NIPSNAP2: variants seen among roughly 807,000 people sequenced by gnomAD.
NIPSNAP2 encodes nipsnap homolog 2.
A neutral mutation model predicts 48.4 loss-of-function variants in NIPSNAP2; 42 were observed. The observed-to-expected ratio is 0.87, with a 90% confidence interval of 0.68 to 1.12. NIPSNAP2 has a LOEUF of 1.12. Among genes scored for constraint, NIPSNAP2 ranks in the 50% most tolerant of loss-of-function variants. The pLI, the probability that NIPSNAP2 is intolerant of heterozygous loss-of-function variation, is 0.00. For missense variants in NIPSNAP2, 314 were observed against 347.3 expected (o/e 0.90, Z 0.76); for synonymous variants, 158 against 126.6 (o/e 1.25, Z -1.67).
intron 1 of NIPSNAP2, among the ~76,000 whole-genome samples, chr7:55,968,747 C>T (rs951964680): frequency 2.6e-5 from 4 of 152,086 alleles, no homozygotes; most frequent in Non-Finnish European, 4.4e-5. Flanking sequence ...AATATAGGGC[C>T]GGGTGTGGTG....
At chr7:55,993,670 A>T (rs1165659266) in intron 7 of NIPSNAP2, among the ~76,000 whole-genome samples, 1 of 151,524 alleles carries the variant, frequency 6.6e-6, no homozygotes, top group Non-Finnish European at 1.5e-5. Flanking sequence ...AACCCAGGAG[A>T]TGGAGATTGC....
chr7:55,992,064 A>G (rs1787467543), intron 7 of NIPSNAP2, among the ~76,000 whole-genome samples: 1 of 152,126 alleles, frequency 6.6e-6, no homozygotes, highest in South Asian at 2.1e-4. Context: ...CTGTGAAGAT[A>G]TTGATCACTT....
intron 7 of NIPSNAP2, among the ~76,000 whole-genome samples, chr7:55,994,053 A>AG (rs1185833147): frequency 6.6e-6 from 1 of 152,120 alleles, no homozygotes; most frequent in Non-Finnish European, 1.5e-5. Context: ...TAGTTCAGAG[A>AG]GCAGGGGTGT....
At chr7:55,983,342 G>A (rs1313561582) in intron 5 of NIPSNAP2, among the ~76,000 whole-genome samples, 2 of 152,124 alleles carry the variant, frequency 1.3e-5, no homozygotes, top group Non-Finnish European at 2.9e-5. Context: ...CATTAAGAAA[G>A]AAATTCTTTT....
At chr7:55,993,184 A>G (rs1787485322) in intron 7 of NIPSNAP2, among the ~76,000 whole-genome samples, 1 of 151,958 alleles carries the variant, frequency 6.6e-6, no homozygotes, top group South Asian at 2.1e-4. Context: ...CTGTAATCCC[A>G]GCTACACAGG....
At chr7:55,983,519 T>A (rs945262587) in intron 5 of NIPSNAP2, among the ~76,000 whole-genome samples, 1 of 152,204 alleles carries the variant, frequency 6.6e-6, no homozygotes, top group South Asian at 2.1e-4. Flanking sequence ...ACCAAGTAAT[T>A]TGTCATCTAA....
chr7:55,969,193 A>C (rs1786962074), intron 1 of NIPSNAP2, among the ~76,000 whole-genome samples: 1 of 152,150 alleles, frequency 6.6e-6, no homozygotes, highest in Non-Finnish European at 1.5e-5. Context: ...TCTGGAAATG[A>C]AAGGTGTGGG....
intron 7 of NIPSNAP2, among the ~76,000 whole-genome samples, chr7:55,992,492 A>G (rs1787474147): frequency 6.6e-6 from 1 of 152,122 alleles, no homozygotes; most frequent in Admixed American, 6.6e-5. Context: ...TCTGTCTTAA[A>G]AAAGGAGATT....
In NIPSNAP2 at chr7:55,985,686, C is replaced by T. The variant is rs141944350; in HGVS notation, c.617+808C>T. ...GCTTAAGCCCAGAAGATGGAGTTTGCAGTGAGCCAAGATTGCACCACTGCA... is the reference window on the plus strand; with the variant it reads ...GCTTAAGCCCAGAAGATGGAGTTTGTAGTGAGCCAAGATTGCACCACTGCA... On this transcript the variant is annotated intron_variant, in intron 7 of 9. Coordinates refer to ENST00000322090, the MANE Select transcript of NIPSNAP2 (RefSeq NM_001483.3). Among the ~76,000 whole-genome samples, 26 of 149,128 alleles carry T rather than the reference C, an allele frequency of 1.7e-4. No homozygotes were observed. The East Asian group carries it at 5.1e-3, about 29-fold the overall frequency.
chr7:55,983,576 C>T (rs1787264638), intron 5 of NIPSNAP2, 152 bp from the exon 6 acceptor site: 4 of 601,442 alleles, frequency 6.7e-6, no homozygotes, highest in Non-Finnish European at 8.4e-6. Context: ...AATGATTATG[C>T]AAGCTCAACA....
Position 55,978,252 on chromosome 7 carries a change from A to C in NIPSNAP2, c.219A>C (p.Leu73=), listed in dbSNP as rs541204590. 2.5e-6 allele frequency: 4 copies of C among 1,614,188 alleles called. No individual in the cohort carries two copies. The highest frequency in any genetic ancestry group is 3.4e-6 in the Non-Finnish European group (4 of 1,180,030). The change falls in exon 2 of 10, where the codon CTA becomes CTC. Residue 73 remains leucine (L), a synonymous_variant. Transcript: ENST00000322090. ...TAGCCAAAAAGGAAACAAGCAATCT[A>C]TACAAATTACAGTGTGAGTGACAGG... ...NLLAKKETSN[L]YKLQFHNVKP...
At chr7:55,972,722 C>G (rs1472845095) in intron 1 of NIPSNAP2, among the ~76,000 whole-genome samples, 1 of 152,142 alleles carries the variant, frequency 6.6e-6, no homozygotes, top group East Asian at 1.9e-4. Context: ...AGCCACTGTG[C>G]CCAGCCCATG....
chr7:55,986,126 AAGG>A (rs1262342538), intron 7 of NIPSNAP2, among the ~76,000 whole-genome samples: 6 of 151,972 alleles, frequency 3.9e-5, no homozygotes, highest in Non-Finnish European at 1.5e-5. Flanking sequence ...GGGGAGGCTG[AAGG>A]AGGAGAATTG....
chr7:55,973,831 C>T (rs1024238812), intron 1 of NIPSNAP2, among the ~76,000 whole-genome samples: 1 of 152,100 alleles, frequency 6.6e-6, no homozygotes, highest in Non-Finnish European at 1.5e-5. Context: ...ATCTTTATAT[C>T]TGGTTTCTAC....
chr7:55,983,681 T>C lies in NIPSNAP2; in HGVS notation c.445-47T>C, dbSNP rs1322472440. 7 of 1,597,502 alleles carry C rather than the reference T, an allele frequency of 4.4e-6. No homozygotes were observed. The East Asian group carries it at 1.6e-4, about 36-fold the overall frequency. On this transcript the variant is annotated intron_variant, in intron 5 of 9. Transcript: ENST00000322090. ...CATCAATGTTACTGAAATGGGCTTA[T>C]ATGTAAGTATCAGAAGATTTCATGA... is the stretch of plus-strand genomic sequence containing the variant.
At chr7:55,998,950 C>T in intron 9 of NIPSNAP2, 58 bp from the exon 10 acceptor site, 1 of 1,364,514 alleles carries the variant, frequency 7.3e-7, no homozygotes, top group Non-Finnish European at 1.0e-6. Context: ...CTGTTAGTGT[C>T]ATTTACCATA....
At position 55,982,103 on chromosome 7, in the gene NIPSNAP2, C is replaced by T. The variant is rs527457367; in HGVS notation, c.374-107C>T. 62 of 640,336 alleles carry T rather than the reference C, an allele frequency of 9.7e-5. No homozygotes were observed. The South Asian group carries it at 1.1e-3, about 12-fold the overall frequency. The allele number at this position is 640,336 out of a possible 1,614,324, so 39.7% of individuals were successfully genotyped here. ...ATTACAGGCATGAGCCACCACACACCCAGCCTACAGTTTTGTGCTGTGTTA... is the reference window on the plus strand; with the variant it reads ...ATTACAGGCATGAGCCACCACACACTCAGCCTACAGTTTTGTGCTGTGTTA... On this transcript the variant is annotated intron_variant, in intron 4 of 9. Coordinates refer to ENST00000322090, the MANE Select transcript of NIPSNAP2 (RefSeq NM_001483.3).
chr7:55,984,231 G>A lies in NIPSNAP2; in HGVS notation c.585+363G>A, dbSNP rs1480685158. Among the ~76,000 whole-genome samples, 3 of 152,060 alleles carry A rather than the reference G, an allele frequency of 2.0e-5. No homozygotes were observed. In the East Asian group the frequency reaches 5.8e-4, roughly 29 times the overall value. ...TTATATAACATGATAAGAGTAAAAG[G>A]CAATAATATAACACTTTCTAGAAAT... On this transcript the variant is annotated intron_variant, in intron 6 of 9. Transcript: ENST00000322090.
chr7:55,978,274 C>G lies in NIPSNAP2; in HGVS notation c.232+9C>G. The G allele has an allele frequency of 6.2e-7, 1 of 1,613,934 alleles. No homozygotes were observed. The highest frequency in any genetic ancestry group is 8.5e-7 in the Non-Finnish European group (1 of 1,179,930). The stretch of plus-strand genomic sequence containing the variant: ...TCTATACAAATTACAGTGTGAGTGA[C>G]AGGTTTGCTATCTTCATAGTTGACT... On this transcript the variant is annotated intron_variant, in intron 2 of 9. Coordinates refer to ENST00000322090, the MANE Select transcript of NIPSNAP2 (RefSeq NM_001483.3).
Sources: gnomAD v4.1 joint callset for allele counts (sites outside exome capture counted in the v4.1 genomes callset) on GRCh38, gnomAD v4.1.1 for gene constraint, MANE v1.5 for transcripts, NCBI Gene and HGNC (gene_info 2026-07-23, HGNC 2026-07-21) for gene names.